The following PIWIL1 variants were observed in gnomAD, a reference collection of about 807,000 sequenced individuals.
PIWIL1 encodes piwi-like protein 1.
A neutral mutation model predicts 114.4 loss-of-function variants in PIWIL1; 73 were observed. The observed-to-expected ratio is 0.64, with a 90% CI of 0.53 to 0.78. PIWIL1 has a LOEUF of 0.78. PIWIL1 is among the 30% of genes least tolerant of loss of function. The pLI is 0.00. For synonymous variants in PIWIL1, 375 were observed against 369.0 expected, an observed-to-expected ratio of 1.02 and a Z score of -0.19; for missense variants, 723 against 1,063.1, an observed-to-expected ratio of 0.68 and a Z score of 4.45.
the PIWIL1 span, among the ~76,000 whole-genome samples, chr12:130,411,082 A>G: frequency 6.6e-6 from 1 of 152,222 alleles, no homozygotes; most frequent in Non-Finnish European, 1.5e-5. Context: ...CTTAATGCTA[A>G]GTAGTTCATG....
chr12:130,341,882 A>G (rs2072926157), intron 1 of PIWIL1, among the ~76,000 whole-genome samples: 1 of 152,228 alleles, frequency 6.6e-6, no homozygotes, highest in South Asian at 2.1e-4. Flanking sequence ...CATGATGTTG[A>G]AGAAATGGAG....
At chr12:130,417,686 C>T in the PIWIL1 span, among the ~76,000 whole-genome samples, 1 of 152,174 alleles carries the variant, frequency 6.6e-6, no homozygotes, top group Non-Finnish European at 1.5e-5. Flanking sequence ...TGCACTATAC[C>T]CATGTAACAG....
At chr12:130,377,526 C>T (rs944207001), downstream of PIWIL1, among the ~76,000 whole-genome samples, 2 of 152,172 alleles carry the variant, frequency 1.3e-5, no homozygotes, top group African/African-American at 4.8e-5. Flanking sequence ...TCCAGACAGG[C>T]GAAAAAGCAA....
intron 12 of PIWIL1, among the ~76,000 whole-genome samples, chr12:130,356,174 A>G (rs560710883): frequency 6.6e-6 from 1 of 152,084 alleles, no homozygotes; most frequent in Non-Finnish European, 1.5e-5. Context: ...TTGTTTATAG[A>G]GATAATATAT....
the PIWIL1 span, among the ~76,000 whole-genome samples, chr12:130,412,965 C>T: frequency 6.6e-6 from 1 of 152,136 alleles, no homozygotes; most frequent in East Asian, 1.9e-4. Context: ...ATGTAACCCT[C>T]GCTCTATGAC....
At chr12:130,379,470 A>C in the PIWIL1 span, among the ~76,000 whole-genome samples, 9 of 93,998 alleles carry the variant, frequency 9.6e-5, no homozygotes, top group Admixed American at 5.4e-4. Context: ...AGTTCCTTCA[A>C]TTCCCTCATC....
the PIWIL1 span, among the ~76,000 whole-genome samples, chr12:130,394,097 T>A: frequency 5.3e-5 from 8 of 152,196 alleles, no homozygotes; most frequent in African/African-American, 1.9e-4. Context: ...TTCTCGGCAC[T>A]CTCTCTGCAT....
At chr12:130,361,794 T>G (rs2073517039) in intron 16 of PIWIL1, among the ~76,000 whole-genome samples, 193 bp downstream of exon 16, 1 of 152,218 alleles carries the variant, frequency 6.6e-6, no homozygotes, top group Non-Finnish European at 1.5e-5. Context: ...CAAACTGCAT[T>G]TCAGATTTTT....
At chr12:130,361,422 A>G in intron 15 of PIWIL1, 42 bp downstream of exon 15, 3 of 1,611,016 alleles carry the variant, frequency 1.9e-6, no homozygotes, top group Non-Finnish European at 2.5e-6. Flanking sequence ...TAAAATTGGT[A>G]TTTAAGAACA....
chr12:130,388,757 A>G, the PIWIL1 span, among the ~76,000 whole-genome samples: 2 of 152,198 alleles, frequency 1.3e-5, no homozygotes, highest in East Asian at 3.8e-4. Context: ...AAGTATATGT[A>G]ATTGAGCTTT....
the PIWIL1 span, among the ~76,000 whole-genome samples, chr12:130,404,144 A>G: frequency 6.6e-6 from 1 of 152,212 alleles, no homozygotes; most frequent in Non-Finnish European, 1.5e-5. Context: ...TGGGAACCCA[A>G]GGGAATCGGT....
the PIWIL1 span, chr12:130,407,732 A>G: frequency 6.2e-7 from 1 of 1,613,498 alleles, no homozygotes; most frequent in Non-Finnish European, 8.5e-7. Flanking sequence ...GTACCTCGAC[A>G]TCGACGTTGG....
chr12:130,356,284 CA>C (rs887208271), intron 12 of PIWIL1, among the ~76,000 whole-genome samples: 5 of 149,878 alleles, frequency 3.3e-5, no homozygotes, highest in African/African-American at 1.2e-4. Flanking sequence ...CCAACATTTT[CA>C]TTTTTTTTTT....
intron 6 of PIWIL1, among the ~76,000 whole-genome samples, chr12:130,347,465 T>C (rs1008581184): frequency 2.0e-5 from 3 of 152,202 alleles, no homozygotes; most frequent in Non-Finnish European, 4.4e-5. Flanking sequence ...ACATATTTCC[T>C]ATCCAAAAGC....
downstream of PIWIL1, among the ~76,000 whole-genome samples, chr12:130,375,530 A>C (rs1029513493): frequency 6.6e-6 from 1 of 152,196 alleles, no homozygotes; most frequent in African/African-American, 2.4e-5. Flanking sequence ...GGCGGCACGC[A>C]CGGTCTGTGC....
chr12:130,349,284 A>G lies in PIWIL1; in HGVS notation c.780A>G (p.Glu260=). The stretch of plus-strand genomic sequence containing the variant: ...TCACTACTTCCATCCTTCAGTATGA[A>G]AACAGCATCATGCTCTGCACTGACG... ...PGFTTSILQY[E]NSIMLCTDVS... Residue 260 remains glutamate, a synonymous_variant, in exon 8 of 21, where the codon GAA becomes GAG. Coordinates refer to ENST00000245255, the MANE Select transcript of PIWIL1 (RefSeq NM_004764.5). The G allele has an allele frequency of 1.2e-6, 2 of 1,614,036 alleles. No homozygotes were observed. The highest frequency in any genetic ancestry group is 1.7e-6 in the Non-Finnish European group (2 of 1,179,902).
chr12:130,347,931 A>G (rs2073112352), intron 6 of PIWIL1, among the ~76,000 whole-genome samples, 172 bp from the exon 7 acceptor site: 1 of 152,210 alleles, frequency 6.6e-6, no homozygotes, highest in Non-Finnish European at 1.5e-5. Context: ...TCCAACCTCA[A>G]AGATATTTGA....
At chr12:130,389,232 T>C in the PIWIL1 span, among the ~76,000 whole-genome samples, 2 of 152,110 alleles carry the variant, frequency 1.3e-5, no homozygotes. Context: ...TACACTTACA[T>C]TCATGATGAA....
At chr12:130,364,447 A>G (rs1342238185) in intron 18 of PIWIL1, among the ~76,000 whole-genome samples, 1 of 152,202 alleles carries the variant, frequency 6.6e-6, no homozygotes, top group African/African-American at 2.4e-5. Flanking sequence ...GCCCCACACA[A>G]TAAGTGTTTA....
Sources: allele counts gnomAD v4.1 joint callset (sites outside exome capture counted in the v4.1 genomes callset), GRCh38; gene constraint gnomAD v4.1.1; transcripts MANE v1.5; gene names NCBI Gene and HGNC (gene_info 2026-07-23, HGNC 2026-07-21).